The following OGFR variants were observed in gnomAD, a reference collection of about 807,000 sequenced individuals.
OGFR encodes opioid growth factor receptor, also known as protein 7-60.
Under a neutral mutation model 33.6 loss-of-function variants are expected in OGFR, and 18 were observed. That is an observed-to-expected ratio of 0.54 (90% CI 0.37 to 0.80). The LOEUF (loss-of-function observed/expected upper bound fraction) is 0.80. Ranked by LOEUF, OGFR falls within the 30% of genes least tolerant of loss-of-function variation. OGFR has a pLI of 0.00. For synonymous variants in OGFR, 370 were observed against 400.7 expected (o/e 0.92, Z 0.91); for missense variants, 877 against 955.8 (o/e 0.92, Z 1.09).
At chr20:62,810,910 G>A (rs923276165) in intron 5 of OGFR, among the ~76,000 whole-genome samples, 9 of 152,258 alleles carry the variant, frequency 5.9e-5, no homozygotes, top group Admixed American at 4.6e-4. Flanking sequence ...CCTGAGGGAT[G>A]CAGGGACTTA....
chr20:62,809,680 G>A lies in OGFR; in HGVS notation c.398+17G>A. The stretch of plus-strand genomic sequence containing the variant: ...CATCCAGTGGTGAGTTGGGGAGGAT[G>A]GGGGGATGGGGGGTTGGCGAGGCCA... On this transcript the variant is annotated intron_variant, in intron 4 of 6. Transcript: ENST00000290291. 1 of 1,557,496 alleles carries A rather than the reference G, an allele frequency of 6.4e-7. No individual in the cohort carries two copies. The highest frequency in any genetic ancestry group is 8.8e-7 in the Non-Finnish European group (1 of 1,137,722).
At chr20:62,809,323 C>T (rs1021399617) in intron 3 of OGFR, among the ~76,000 whole-genome samples, 2 of 152,206 alleles carry the variant, frequency 1.3e-5, no homozygotes, top group African/African-American at 4.8e-5. Flanking sequence ...GAGGGACCTT[C>T]CGGGCTCTCA....
In OGFR at chr20:62,810,329, C is replaced by T. The variant is rs551649082; in HGVS notation, c.399-170C>T. On this transcript the variant is annotated intron_variant, in intron 4 of 6. Transcript: ENST00000290291. ...ACACCTCCTGTCCTGGGCCCTTGCA[C>T]GCTCACCTGAGCTCTCCCACCCTCG... 7.2e-5 allele frequency among the ~76,000 whole-genome samples: 11 copies of T among 152,340 alleles called. No individual in the cohort carries two copies. In the South Asian group the frequency reaches 1.0e-3, roughly 14 times the overall value.
Position 62,811,626 on chromosome 20 carries a change from T to TGGGCC in OGFR, c.614+16_614+17insGGGCC. The TGGGCC allele has an allele frequency of 1.3e-6, 2 of 1,502,480 alleles. No individual in the cohort carries two copies. Among genetic ancestry groups the TGGGCC allele is most frequent in the Non-Finnish European group, 1.8e-6 (2 of 1,110,072 alleles). 93.1% of individuals were successfully genotyped at this position (1,502,480 alleles called of 1,614,324 possible). ...ACCTGAACTGGTGAGGCCCGGCTGC[T>TGGGCC]CCCGCCCACCCCCACCCCGGCGCAG... is the stretch of plus-strand genomic sequence containing the variant. On this transcript the variant is annotated intron_variant, in intron 6 of 6. Coordinates refer to ENST00000290291, the MANE Select transcript of OGFR (RefSeq NM_007346.4).
intron 3 of OGFR, 82 bp downstream of exon 3, chr20:62,808,407 T>A: frequency 1.9e-6 from 2 of 1,032,588 alleles, no homozygotes; most frequent in Non-Finnish European, 3.0e-6. Context: ...GTTTGGGATG[T>A]ACCCGGCGAT....
Position 62,813,744 on chromosome 20 carries a change from C to T in OGFR, c.*95C>T, listed in dbSNP as rs370087203. On this transcript the variant is annotated 3_prime_UTR_variant, in exon 7 of 7. Transcript: ENST00000290291. The stretch of plus-strand genomic sequence containing the variant: ...TGCGGGCTCCCCTCAGGCTCTGCTT[C>T]GTGACCCGTGACCCATGACCCACAG... 1.6e-5 allele frequency: 23 copies of T among 1,405,570 alleles called. No individual in the cohort carries two copies. The highest frequency in any genetic ancestry group is 6.8e-5 in the East Asian group (3 of 43,806). The allele number at this position is 1,405,570 out of a possible 1,614,324, so 87.1% of individuals were successfully genotyped here.
intron 6 of OGFR, among the ~76,000 whole-genome samples, 155 bp from the exon 7 acceptor site, chr20:62,812,075 C>T (rs1990739755): frequency 6.6e-6 from 1 of 152,220 alleles, no homozygotes; most frequent in Non-Finnish European, 1.5e-5. Context: ...ATGAGTCCTC[C>T]CCTGGGCCCA....
rs11086139 is a variant in OGFR at position 62,812,518 on chromosome 20, C to A, written c.903C>A (p.Pro301=). Residue 301 remains proline, a synonymous_variant, in exon 7 of 7, where the codon CCC becomes CCA. Coordinates refer to ENST00000290291, the MANE Select transcript of OGFR (RefSeq NM_007346.4). ...GGAGGTTCAAGCCCAGCTCTCTGCC[C>A]CATCCGCTCGAGGGCTCCAGGAAGG... The part of the protein sequence containing the change: ...KLRRFKPSSL[P]HPLEGSRKVE... 1 of 1,584,118 alleles carries A rather than the reference C, an allele frequency of 6.3e-7. No homozygotes were observed. Among genetic ancestry groups the A allele is most frequent in the African/African-American group, 1.3e-5 (1 of 74,430 alleles).
chr20:62,808,109 G>C, intron 2 of OGFR, 138 bp from the exon 3 acceptor site: 1 of 759,490 alleles, frequency 1.3e-6, no homozygotes. Context: ...CCCACCTGCA[G>C]AGTGAGGAGC....
chr20:62,812,256 C>A lies in OGFR; in HGVS notation c.641C>A (p.Thr214Lys). Reference sequence around the variant, plus strand: ...CGCAGCCACAACAACCTCCGCATCACACGCATCCTCAAGTCGCTGGGTGAG... The same window carrying A: ...CGCAGCCACAACAACCTCCGCATCAAACGCATCCTCAAGTCGCTGGGTGAG... ...NWRSHNNLRITRILKSLGELG... is the reference protein window; with the variant it reads ...NWRSHNNLRIKRILKSLGELG... Residue 214 changes from threonine to lysine, a missense_variant, in exon 7 of 7, where the codon ACA becomes AAA. Physicochemically the swap from Thr to Lys is moderately conservative, Grantham distance 78. Transcript: ENST00000290291. 6.6e-7 allele frequency: 1 copy of A among 1,526,186 alleles called. No homozygotes were observed. The highest frequency in any genetic ancestry group is 8.8e-7 in the Non-Finnish European group (1 of 1,135,288). The allele number at this position is 1,526,186 out of a possible 1,614,324, so 94.5% of individuals were successfully genotyped here. A position where few individuals can be genotyped will look rare whatever the true frequency, so the allele number is the denominator to read the frequency against.
At chr20:62,808,392 C>G (rs750938047) in intron 3 of OGFR, 67 bp downstream of exon 3, 266 of 1,242,962 alleles carry the variant, frequency 2.1e-4, no homozygotes, top group Admixed American at 2.4e-4. Context: ...GTCCACTGGG[C>G]CCTGGTTTGG....
In OGFR at chr20:62,813,695, A is replaced by G; in HGVS notation, c.*46A>G. 3.1e-6 allele frequency: 5 copies of G among 1,601,884 alleles called. No individual in the cohort carries two copies. Among genetic ancestry groups the G allele is most frequent in the Non-Finnish European group, 4.3e-6 (5 of 1,171,448 alleles). ...GTCTTGGTCCTCCTGTCCCTGCTGC[A>G]GGGGCTGGGGCCTCCGGAGCTGCTG... On this transcript the variant is annotated 3_prime_UTR_variant, in exon 7 of 7. Transcript: ENST00000290291.
At position 62,813,866 on chromosome 20, in the gene OGFR, C is replaced by T. The variant is rs1990811236; in HGVS notation, c.*217C>T. 18 of 606,374 alleles carry T rather than the reference C, an allele frequency of 3.0e-5. No homozygotes were observed. Among genetic ancestry groups the T allele is most frequent in the Non-Finnish European group, 4.9e-5 (17 of 344,294 alleles). 37.6% of individuals were successfully genotyped at this position (606,374 alleles called of 1,614,324 possible). A position where few individuals can be genotyped will look rare whatever the true frequency, so the allele number is the denominator to read the frequency against. ...CAGAAGCCTCCTGGCCTGGCTGTGT[C>T]TTCCCCACCCAGCTCTCCCCTGCGC... On this transcript the variant is annotated 3_prime_UTR_variant, in exon 7 of 7. Coordinates refer to ENST00000290291, the MANE Select transcript of OGFR (RefSeq NM_007346.4).
intron 6 of OGFR, 146 bp from the exon 7 acceptor site, chr20:62,812,084 C>T (rs1305410765): frequency 2.8e-6 from 2 of 717,794 alleles, no homozygotes; most frequent in African/African-American, 1.8e-5. Context: ...CCCCTGGGCC[C>T]AGAGAGGTAA....
At chr20:62,805,094 G>A (rs1990554126) in intron 1 of OGFR, 64 bp downstream of exon 1, 2 of 1,227,886 alleles carry the variant, frequency 1.6e-6, no homozygotes, top group Non-Finnish European at 1.0e-6. Context: ...CTGCGTGGAC[G>A]GGAGACCCCC....
At position 62,813,587 on chromosome 20, in the gene OGFR, G is replaced by C. The variant is rs11543349; in HGVS notation, c.1972G>C (p.Gly658Arg). 0.058 allele frequency: 93,422 copies of C among 1,609,858 alleles called. 6,134 individuals are homozygous for C. The highest frequency in any genetic ancestry group is 0.34 in the East Asian group (15,166 of 44,712). Reference protein sequence around the residue: ...GPTRDEPAKAGEAAELQDAEV... With the variant: ...GPTRDEPAKAREAAELQDAEV... ...TACAAGGGATGAGCCAGCCAAGGCG[G>C]GGGAGGCAGCAGAGTTGCAGGACGC... The change falls in exon 7 of 7, where the codon GGG becomes CGG. Residue 658 changes from glycine to arginine, a missense_variant. Around this residue, in one of 3 missense-constraint regions of OGFR, gnomAD observed 45 missense variants for 38.0 expected, o/e 1.19. Transcript: ENST00000290291.
At chr20:62,807,840 T>C in intron 2 of OGFR, 1 of 603,580 alleles carries the variant, frequency 1.7e-6, no homozygotes, top group Non-Finnish European at 3.0e-6. Flanking sequence ...ACCGTCGCCT[T>C]GCAAACATGG....
At position 62,813,536 on chromosome 20, in the gene OGFR, A is replaced by G. The variant is rs949619135; in HGVS notation, c.1921A>G (p.Thr641Ala). The change falls in exon 7 of 7, where the codon ACC becomes GCC. Residue 641 changes from threonine to alanine, a missense_variant. Physicochemically the swap from Thr to Ala is moderately conservative, Grantham distance 58 (BLOSUM62 0). Transcript: ENST00000290291. ...CGAGCCAGCCGAGAGCCCATCGGAG[A>G]CCCCAGGCCCCAGCCCGGCAGGACC... is the stretch of plus-strand genomic sequence containing the variant. ...GDEPAESPSETPGPSPAGPTR... is the reference protein window; with the variant it reads ...GDEPAESPSEAPGPSPAGPTR... The G allele has an allele frequency of 6.2e-7, 1 of 1,603,522 alleles. No individual in the cohort carries two copies.
intron 5 of OGFR, 38 bp from the exon 6 acceptor site, chr20:62,811,424 G>C (rs1174081524): frequency 9.3e-6 from 15 of 1,604,752 alleles, no homozygotes; most frequent in Non-Finnish European, 1.3e-5. Context: ...CGGGGCTTCA[G>C]GGATGGTGCC....
Sources: gnomAD v4.1 joint callset for allele counts (sites outside exome capture counted in the v4.1 genomes callset) on GRCh38, gnomAD v4.1.1 for gene constraint, gnomAD v4.1.1 regional missense constraint, MANE v1.5 for transcripts, NCBI Gene and HGNC (gene_info 2026-07-23, HGNC 2026-07-21) for gene names.